ADAMTS9: variants seen among roughly 807,000 people sequenced by gnomAD.
ADAMTS9 encodes A disintegrin and metalloproteinase with thrombospondin motifs 9.
ADAMTS9 carries 107 observed loss-of-function variants against 257.1 expected under a neutral mutation model. The ratio of observed to expected loss-of-function variants is 0.42; its 90% CI spans 0.36 to 0.49. The LOEUF is 0.49. Ranked by LOEUF, ADAMTS9 falls within the 20% of genes least tolerant of loss-of-function variation. The pLI is 0.03. For synonymous variants in ADAMTS9, 982 were observed against 880.9 expected (o/e 1.11, Z -2.03); for missense variants, 2,353 against 2,469.1 (o/e 0.95, Z 1.00).
intron 16 of ADAMTS9, among the ~76,000 whole-genome samples, chr3:64,628,721 T>A (rs1216666953): frequency 6.6e-6 from 1 of 152,216 alleles, no homozygotes; most frequent in Non-Finnish European, 1.5e-5. Context: ...TTACGGCCCT[T>A]GAAAGAAGAG....
intron 32 of ADAMTS9, among the ~76,000 whole-genome samples, chr3:64,543,930 C>G (rs1473171316): frequency 6.6e-6 from 1 of 152,190 alleles, no homozygotes; most frequent in African/African-American, 2.4e-5. Flanking sequence ...TCTCCGGATA[C>G]AAATACAATG....
rs555117698 is a variant in ADAMTS9, at chr3:64,656,410, G to T, written c.970-535C>A. ...CACACATGCATTTAGTCTCTACACA[G>T]CGAAACTCTGGGCTGAAAACTAAAT... is the stretch of plus-strand genomic sequence containing the variant. On this transcript the variant is annotated intron_variant, in intron 4 of 39. Coordinates refer to ENST00000498707, the MANE Select transcript of ADAMTS9 (RefSeq NM_182920.2). Among the ~76,000 whole-genome samples the T allele has an allele frequency of 2.6e-5, 4 of 152,198 alleles. No individual in the cohort carries two copies. In the South Asian group the frequency reaches 8.3e-4, roughly 32 times the overall value.
intron 19 of ADAMTS9, among the ~76,000 whole-genome samples, chr3:64,616,829 T>G (rs1662276000): frequency 6.6e-6 from 1 of 152,252 alleles, no homozygotes; most frequent in Non-Finnish European, 1.5e-5. Flanking sequence ...GTGATTTCCT[T>G]GTACTCTTCA....
intron 28 of ADAMTS9, among the ~76,000 whole-genome samples, chr3:64,577,978 AG>A (rs2083896477): frequency 6.6e-6 from 1 of 152,210 alleles, no homozygotes; most frequent in Non-Finnish European, 1.5e-5. Flanking sequence ...TTTACAGGCC[AG>A]CATGTCAGGT....
At chr3:64,616,787 T>C (rs2084774319) in intron 19 of ADAMTS9, among the ~76,000 whole-genome samples, 1 of 152,138 alleles carries the variant, frequency 6.6e-6, no homozygotes, top group Non-Finnish European at 1.5e-5. Context: ...TTAAAATGTA[T>C]TTTGTTGATT....
chr3:64,590,470 T>C (rs1488786403), intron 28 of ADAMTS9, among the ~76,000 whole-genome samples: 1 of 152,222 alleles, frequency 6.6e-6, no homozygotes, highest in Non-Finnish European at 1.5e-5. Context: ...ATAAATATGC[T>C]TTATTATATA....
chr3:64,655,486 C>T (rs1036606482), intron 6 of ADAMTS9, 90 bp downstream of exon 6: 1 of 1,086,004 alleles, frequency 9.2e-7, no homozygotes, highest in Non-Finnish European at 1.4e-6. Context: ...GAGAAACCCT[C>T]CACTAGCAGC....
intron 26 of ADAMTS9, among the ~76,000 whole-genome samples, chr3:64,600,048 G>A (rs1023219001): frequency 3.7e-5 from 3 of 80,932 alleles, no homozygotes; most frequent in Admixed American, 1.3e-4. Flanking sequence ...GTCAGTTTCT[G>A]TTCTTTTTTT....
At position 64,551,132 on chromosome 3, in the gene ADAMTS9, T is replaced by C. The variant is rs183574302; in HGVS notation, c.4699-70A>G. The C allele has an allele frequency of 5.9e-4, 901 of 1,519,656 alleles. 7 individuals are homozygous for C. The highest frequency in any genetic ancestry group is 2.4e-3 in the East Asian group (107 of 44,132). 94.1% of individuals were successfully genotyped at this position (1,519,656 alleles called of 1,614,324 possible). On this transcript the variant is annotated intron_variant, in intron 30 of 39. Transcript: ENST00000498707. ...TATCCTATGACTGTAATTATGTGTT[T>C]ACCTGTCTACATAGCCTTTAAGATC...
chr3:64,532,032 C>G (rs987172356), intron 38 of ADAMTS9, among the ~76,000 whole-genome samples: 2 of 152,208 alleles, frequency 1.3e-5, no homozygotes, highest in Non-Finnish European at 2.9e-5. Flanking sequence ...CAGGTCCCCC[C>G]ACCCTTAGAG....
In ADAMTS9 at chr3:64,651,070, G is replaced by T. The variant is rs1330147092; in HGVS notation, c.1410C>A (p.Thr470=). 1 of 1,607,368 alleles carries T rather than the reference G, an allele frequency of 6.2e-7. No individual in the cohort carries two copies. The highest frequency in any genetic ancestry group is 8.5e-7 in the Non-Finnish European group (1 of 1,177,808). Residue 470 remains threonine (T), a synonymous_variant, in exon 9 of 40, where the codon ACC becomes ACA. Coordinates refer to ENST00000498707, the MANE Select transcript of ADAMTS9 (RefSeq NM_182920.2). ...TACACTTTGACCACATCCAGGGGTT[G>T]GTGTAGAAGTTCAGTGTTGGAGCCA... ...HVMAPTLNFY[T]NPWMWSKCSR...
At chr3:64,633,934 G>A in intron 12 of ADAMTS9, 55 bp from the exon 13 acceptor site, 1 of 1,457,874 alleles carries the variant, frequency 6.9e-7, no homozygotes, top group South Asian at 1.3e-5. Context: ...GTATTCCTCT[G>A]AACATCACTC....
intron 28 of ADAMTS9, among the ~76,000 whole-genome samples, chr3:64,593,870 C>G (rs1038844974): frequency 6.6e-6 from 1 of 151,694 alleles, no homozygotes; most frequent in Admixed American, 6.6e-5. Context: ...GGTATCTTTC[C>G]CAAAAAGTCA....
intron 32 of ADAMTS9, among the ~76,000 whole-genome samples, chr3:64,546,002 G>A (rs548573331): frequency 1.3e-5 from 2 of 152,278 alleles, no homozygotes; most frequent in Non-Finnish European, 2.9e-5. Flanking sequence ...TTGTATCCCA[G>A]TGCAATGAAG....
intron 36 of ADAMTS9, among the ~76,000 whole-genome samples, chr3:64,540,752 T>C (rs1335527888): frequency 6.6e-6 from 1 of 152,256 alleles, no homozygotes; most frequent in Non-Finnish European, 1.5e-5. Context: ...AATGCTGCCC[T>C]GACCTCCCAC....
intron 12 of ADAMTS9, among the ~76,000 whole-genome samples, chr3:64,635,260 G>A (rs1474777571): frequency 6.6e-6 from 1 of 152,160 alleles, no homozygotes; most frequent in Non-Finnish European, 1.5e-5. Flanking sequence ...GCAACATGAA[G>A]TAAGAGCACC....
At chr3:64,594,719 T>G (rs917136734) in intron 27 of ADAMTS9, among the ~76,000 whole-genome samples, 7 of 152,222 alleles carry the variant, frequency 4.6e-5, no homozygotes, top group Non-Finnish European at 5.9e-5. Flanking sequence ...CCATCTTATA[T>G]ATGAAGCAAT....
In ADAMTS9 at chr3:64,658,757, T is replaced by G; in HGVS notation, c.714A>C (p.Lys238Asn). The change falls in exon 4 of 40, where the codon AAA (lysine) becomes AAC (asparagine). Residue 238 changes from lysine to asparagine, a missense_variant. Physicochemically the swap from Lys to Asn is moderately conservative, Grantham distance 94. Transcript: ENST00000498707. ...HKNRHSKDKK[K>N]TRARKWGERI... ...TTTCTCCCCATTTTCTTGCTCTGGT[T>G]TTCTTCTTGTCTTTACTGTGCCTAT... The G allele has an allele frequency of 1.9e-6, 3 of 1,614,146 alleles. No individual in the cohort carries two copies. Among genetic ancestry groups the G allele is most frequent in the Admixed American group, 1.7e-5 (1 of 60,010 alleles).
chr3:64,554,850 T>A (rs1300758911), intron 30 of ADAMTS9, among the ~76,000 whole-genome samples: 2 of 149,418 alleles, frequency 1.3e-5, no homozygotes, highest in Non-Finnish European at 2.9e-5. Flanking sequence ...AAGTAAACCC[T>A]GAAGGTGGTA....
Sources: allele counts gnomAD v4.1 joint callset (sites outside exome capture counted in the v4.1 genomes callset), GRCh38; gene constraint gnomAD v4.1.1; transcripts MANE v1.5; gene names NCBI Gene and HGNC (gene_info 2026-07-23, HGNC 2026-07-21).